The following CDH4 variants were observed in gnomAD, a reference collection of about 807,000 sequenced individuals.
CDH4 encodes the protein cadherin-4.
A neutral mutation model predicts 86.0 loss-of-function variants in CDH4; 33 were observed. The ratio of observed to expected loss-of-function variants is 0.38; its 90% CI spans 0.29 to 0.51. CDH4 has a LOEUF of 0.51. Ranked by LOEUF, CDH4 falls within the 20% of genes least tolerant of loss-of-function variation. The pLI, the probability that CDH4 is intolerant of heterozygous loss-of-function variation, is 0.86. For synonymous variants in CDH4, 555 were observed against 549.4 expected (o/e 1.01, Z -0.14); for missense variants, 1,114 against 1,307.4 (o/e 0.85, Z 2.28).
chr20:61,908,618 C>A (rs736419), intron 8 of CDH4, among the ~76,000 whole-genome samples: 15,569 of 152,252 alleles, frequency 0.1, 1,807 homozygotes, highest in East Asian at 0.43. Flanking sequence ...CGTTTCCCAC[C>A]CCTTCTCCGT....
At chr20:61,800,958 G>C (rs995648089) in intron 4 of CDH4, among the ~76,000 whole-genome samples, 29 of 152,224 alleles carry the variant, frequency 1.9e-4, no homozygotes, top group African/African-American at 7.0e-4. Flanking sequence ...CATGGCTGCA[G>C]GGCCCTCCTG....
intron 4 of CDH4, among the ~76,000 whole-genome samples, chr20:61,792,870 T>C (rs1460445874): frequency 6.6e-6 from 1 of 152,182 alleles, no homozygotes; most frequent in Non-Finnish European, 1.5e-5. Context: ...AGGCTAATCT[T>C]GAACTCCCGA....
chr20:61,899,690 C>G (rs142864639), intron 8 of CDH4, among the ~76,000 whole-genome samples: 3,267 of 152,200 alleles, frequency 0.021, 100 homozygotes, highest in African/African-American at 0.074. Flanking sequence ...GCCTCCCAAA[C>G]TGCTGGGATT....
In CDH4 at chr20:61,811,326, G is replaced by T. The variant is rs762077191; in HGVS notation, c.577-33342G>T. Among the ~76,000 whole-genome samples the T allele has an allele frequency of 1.3e-5, 2 of 152,186 alleles. No individual in the cohort carries two copies. Among genetic ancestry groups the T allele is most frequent in the Non-Finnish European group, 2.9e-5 (2 of 68,042 alleles). Reference sequence around the variant, plus strand: ...GGCAGCCCAAGACCGCCCTCATCGGGGGTGGGAATGAAATGCCCCTTCCCG... The same window carrying T: ...GGCAGCCCAAGACCGCCCTCATCGGTGGTGGGAATGAAATGCCCCTTCCCG... On this transcript the variant is annotated intron_variant, in intron 4 of 15. Coordinates refer to ENST00000614565, the MANE Select transcript of CDH4 (RefSeq NM_001794.5). The surrounding 1 kb of genome is among the most constrained non-coding windows in gnomAD (Gnocchi z 4.4).
At chr20:61,324,764 C>T (rs867478505) in intron 2 of CDH4, among the ~76,000 whole-genome samples, 1 of 152,194 alleles carries the variant, frequency 6.6e-6, no homozygotes, top group Admixed American at 6.5e-5. Context: ...GAGATTCTAG[C>T]GCCCAGGAAG....
intron 2 of CDH4, among the ~76,000 whole-genome samples, chr20:61,321,216 T>G (rs556815765): frequency 1.2e-4 from 18 of 152,182 alleles, no homozygotes; most frequent in Admixed American, 3.3e-4. Context: ...TGGCGTTTAT[T>G]TAACTCTGCA....
chr20:61,632,016 A>G (rs2427203), intron 2 of CDH4, among the ~76,000 whole-genome samples: 96,085 of 152,196 alleles, frequency 0.63, 30,946 homozygotes, highest in African/African-American at 0.76. Context: ...AGGCTGCGCA[A>G]GTGGCTGTCG....
At chr20:61,353,323 G>T (rs2084724299) in intron 2 of CDH4, among the ~76,000 whole-genome samples, 1 of 152,058 alleles carries the variant, frequency 6.6e-6, no homozygotes, top group Admixed American at 6.5e-5. Context: ...CCCTGAAGCA[G>T]CCTGTATCTG....
At chr20:61,328,547 G>A (rs1490970804) in intron 2 of CDH4, among the ~76,000 whole-genome samples, 1 of 152,188 alleles carries the variant, frequency 6.6e-6, no homozygotes, top group South Asian at 2.1e-4. Flanking sequence ...ACTTTGGGAG[G>A]CCAACACAAG....
chr20:61,643,558 C>A (rs1203683036), intron 2 of CDH4, among the ~76,000 whole-genome samples: 1 of 152,216 alleles, frequency 6.6e-6, no homozygotes, highest in East Asian at 1.9e-4. Flanking sequence ...CCAAGAGGTG[C>A]ATGTCCCATC....
intron 2 of CDH4, among the ~76,000 whole-genome samples, chr20:61,425,608 C>T (rs1194240811): frequency 1.3e-5 from 2 of 152,264 alleles, no homozygotes; most frequent in Non-Finnish European, 2.9e-5. Context: ...AGGGGCAGAG[C>T]CCAGGGAAAA....
chr20:61,464,291 C>T (rs1163213415), intron 2 of CDH4, among the ~76,000 whole-genome samples: 1 of 152,134 alleles, frequency 6.6e-6, no homozygotes, highest in East Asian at 1.9e-4. Context: ...AGTTTATTTC[C>T]AGGTACAGTT....
intron 2 of CDH4, among the ~76,000 whole-genome samples, chr20:61,431,362 T>G (rs937333924): frequency 1.0e-4 from 15 of 146,546 alleles, no homozygotes; most frequent in East Asian, 3.9e-4. Context: ...TTTGTTGGTT[T>G]TTTTTTTTTT....
intron 2 of CDH4, among the ~76,000 whole-genome samples, chr20:61,601,596 C>G (rs976549800): frequency 5.3e-5 from 8 of 152,336 alleles, no homozygotes; most frequent in Admixed American, 2.6e-4. Flanking sequence ...ACCCTCTGCC[C>G]TCCTGTGTGT....
intron 2 of CDH4, among the ~76,000 whole-genome samples, chr20:61,402,875 T>C (rs907951241): frequency 2.6e-5 from 4 of 152,208 alleles, no homozygotes; most frequent in African/African-American, 9.6e-5. Context: ...ATGGAGTTCA[T>C]TGGAGAAAAT....
intron 2 of CDH4, among the ~76,000 whole-genome samples, chr20:61,660,341 A>G (rs1600849638): frequency 6.6e-6 from 1 of 152,226 alleles, no homozygotes; most frequent in Non-Finnish European, 1.5e-5. Context: ...TTTAATAACT[A>G]TAATTAATTC....
chr20:61,718,796 G>C lies in CDH4; in HGVS notation c.170-24767G>C, dbSNP rs751001745. ...GCACACACACACTCTCACCAGCTGC[G>C]GAGGAGGCTGCACCCACCATCCCGG... On this transcript the variant is annotated intron_variant, in intron 2 of 15. Coordinates refer to ENST00000614565, the MANE Select transcript of CDH4 (RefSeq NM_001794.5). 8.5e-6 allele frequency: 4 copies of C among 471,222 alleles called. No individual in the cohort carries two copies. In the East Asian group the frequency reaches 2.8e-4, roughly 33 times the overall value. The allele number at this position is 471,222 out of a possible 1,614,324, so 29.2% of individuals were successfully genotyped here.
chr20:61,593,745 A>G (rs537533358), intron 2 of CDH4, among the ~76,000 whole-genome samples: 2 of 152,118 alleles, frequency 1.3e-5, no homozygotes, highest in South Asian at 2.1e-4. Flanking sequence ...CTCTTGAAGC[A>G]ACATCTGAAT....
chr20:61,477,680 C>A (rs2085546689), intron 2 of CDH4, among the ~76,000 whole-genome samples: 1 of 152,204 alleles, frequency 6.6e-6, no homozygotes, highest in Non-Finnish European at 1.5e-5. Flanking sequence ...CCCACAGGAG[C>A]CCATTCCTGG....
Sources: gnomAD v4.1 joint callset for allele counts (sites outside exome capture counted in the v4.1 genomes callset) on GRCh38, gnomAD v4.1.1 for gene constraint, Gnocchi (gnomAD v3.1) non-coding constraint, MANE v1.5 for transcripts, NCBI Gene and HGNC (gene_info 2026-07-23, HGNC 2026-07-21) for gene names.